The following LIMD1 variants were observed in gnomAD, a reference collection of about 807,000 sequenced individuals.
LIMD1 encodes LIM domain containing 1, also known as LIM domain-containing protein 1.
Under a neutral mutation model 58.4 loss-of-function variants are expected in LIMD1, and 23 were observed. That is an observed-to-expected ratio of 0.39 (90% CI 0.28 to 0.56). The LOEUF is 0.56. Ranked by LOEUF, LIMD1 falls within the 20% of genes least tolerant of loss-of-function variation. The probability of loss-of-function intolerance (pLI) is 0.57; values close to 1 mark genes in which losing one functional copy is unlikely to be tolerated. For missense variants in LIMD1, 838 were observed against 855.5 expected (o/e 0.98, Z 0.25); for synonymous variants, 334 against 345.5 (o/e 0.97, Z 0.37).
chr3:45,627,939 C>T (rs538461587), intron 1 of LIMD1, among the ~76,000 whole-genome samples: 7 of 143,302 alleles, frequency 4.9e-5, no homozygotes, highest in East Asian at 4.3e-4. Context: ...ACCTGGGAGG[C>T]GGAGGTTGCA....
In LIMD1 at chr3:45,676,825, C is replaced by T. The variant is rs1014817711; in HGVS notation, c.1894-97C>T. 8 of 1,212,640 alleles carry T rather than the reference C, an allele frequency of 6.6e-6. No homozygotes were observed. In the African/African-American group the frequency reaches 7.4e-5, roughly 11 times the overall value. 75.1% of individuals were successfully genotyped at this position (1,212,640 alleles called of 1,614,324 possible). A position where few individuals can be genotyped will look rare whatever the true frequency, so the allele number is the denominator to read the frequency against. ...GGCATTTCCTGCCTATACAGAAACA[C>T]ACAGCACCCTCTGCTGATTTTGGGG... On this transcript the variant is annotated intron_variant, in intron 7 of 7. Coordinates refer to ENST00000273317, the MANE Select transcript of LIMD1 (RefSeq NM_014240.3).
chr3:45,621,490 T>C (rs888956690), intron 1 of LIMD1, among the ~76,000 whole-genome samples: 1 of 152,182 alleles, frequency 6.6e-6, no homozygotes, highest in Non-Finnish European at 1.5e-5. Flanking sequence ...TCCTCCCACC[T>C]TGACTTCCCA....
At chr3:45,675,877 CTA>C (rs1697660731) in intron 7 of LIMD1, among the ~76,000 whole-genome samples, 1 of 152,084 alleles carries the variant, frequency 6.6e-6, no homozygotes, top group Non-Finnish European at 1.5e-5. Context: ...CATGCTGTGC[CTA>C]TAGTCTCAGC....
chr3:45,633,659 A>T (rs890350180), intron 1 of LIMD1, among the ~76,000 whole-genome samples: 6 of 152,240 alleles, frequency 3.9e-5, no homozygotes, highest in African/African-American at 1.4e-4. Context: ...AGAACTGCAG[A>T]TAACCAATAC....
intron 1 of LIMD1, among the ~76,000 whole-genome samples, chr3:45,621,129 C>A (rs145015163): frequency 2.0e-5 from 3 of 152,296 alleles, no homozygotes; most frequent in Non-Finnish European, 4.4e-5. Flanking sequence ...AGGAGCTGTC[C>A]CAGGTTAAAG....
chr3:45,651,555 T>C (rs1225189044), intron 2 of LIMD1, among the ~76,000 whole-genome samples: 1 of 152,290 alleles, frequency 6.6e-6, no homozygotes, highest in East Asian at 1.9e-4. Flanking sequence ...TACATATGGC[T>C]AGCCAGTTTT....
At chr3:45,603,294 A>G (rs1701434121) in intron 1 of LIMD1, among the ~76,000 whole-genome samples, 1 of 152,152 alleles carries the variant, frequency 6.6e-6, no homozygotes, top group Admixed American at 6.5e-5. Context: ...CCCCTCCAGA[A>G]TTCCAGAACA....
chr3:45,598,337 ATAGT>A (rs1436432697), intron 1 of LIMD1, among the ~76,000 whole-genome samples: 1 of 152,234 alleles, frequency 6.6e-6, no homozygotes, highest in Non-Finnish European at 1.5e-5. Flanking sequence ...TTTGGGAGTA[ATAGT>A]TAGCTGGAAA....
chr3:45,663,622 T>C (rs1256525668), intron 2 of LIMD1, among the ~76,000 whole-genome samples: 1 of 152,236 alleles, frequency 6.6e-6, no homozygotes, highest in Non-Finnish European at 1.5e-5. Context: ...ACAGGTTTTC[T>C]ATTCTATGCA....
chr3:45,651,639 T>G (rs984484062), intron 2 of LIMD1, among the ~76,000 whole-genome samples: 2 of 138,730 alleles, frequency 1.4e-5, no homozygotes, highest in Non-Finnish European at 3.3e-5. Context: ...CAGATGGTTA[T>G]TTTTTTTTTT....
intron 2 of LIMD1, among the ~76,000 whole-genome samples, chr3:45,649,522 A>C (rs1701942201): frequency 6.6e-6 from 1 of 151,424 alleles, no homozygotes; most frequent in Non-Finnish European, 1.5e-5. Flanking sequence ...TCTACTAAAA[A>C]TACAAAAAAT....
In LIMD1 at chr3:45,619,556, T is replaced by G. The variant is rs544209409; in HGVS notation, c.1409-16594T>G. Among the ~76,000 whole-genome samples, 208 of 152,258 alleles carry G rather than the reference T, an allele frequency of 1.4e-3. 1 individual carries two copies. Among genetic ancestry groups the G allele is most frequent in the African/African-American group, 4.7e-3 (196 of 41,538 alleles). ...GATCACGCCTGTAATCCCAGCACTT[T>G]GGGAGGCCAAGATGGGCAGATCACC... is the stretch of plus-strand genomic sequence containing the variant. On this transcript the variant is annotated intron_variant, in intron 1 of 7. Coordinates refer to ENST00000273317, the MANE Select transcript of LIMD1 (RefSeq NM_014240.3).
chr3:45,596,251 C>G lies in LIMD1; in HGVS notation c.1372C>G (p.Arg458Gly). 6.2e-7 allele frequency: 1 copy of G among 1,610,654 alleles called. No individual in the cohort carries two copies. Among genetic ancestry groups the G allele is most frequent in the Non-Finnish European group, 8.5e-7 (1 of 1,178,790 alleles). The change falls in exon 1 of 8, where the codon CGA becomes GGA. Residue 458 changes from arginine (R) to glycine (G), a missense_variant. Transcript: ENST00000273317. ...AGAAGCCCTCACCCAACGTCTGGAG[C>G]GAGAGATGGATGCTCACCCGAAGGC... ...KLEALTQRLE[R>G]EMDAHPKADY... is the part of the protein sequence containing the mutation.
intron 1 of LIMD1, among the ~76,000 whole-genome samples, chr3:45,628,783 TAAAC>T (rs1575351218): frequency 6.6e-6 from 1 of 152,144 alleles, no homozygotes; most frequent in Non-Finnish European, 1.5e-5. Context: ...AGCAAATGGA[TAAAC>T]AAACTAATAC....
intron 1 of LIMD1, among the ~76,000 whole-genome samples, chr3:45,601,334 A>C (rs536527783): frequency 1.3e-5 from 2 of 152,256 alleles, no homozygotes; most frequent in East Asian, 3.9e-4. Context: ...ACACTCCCTC[A>C]TGGATCAGCT....
intron 1 of LIMD1, among the ~76,000 whole-genome samples, chr3:45,601,026 T>C (rs1435410801): frequency 8.5e-5 from 13 of 152,324 alleles, no homozygotes; most frequent in African/African-American, 3.1e-4. Flanking sequence ...ATCATGCCAC[T>C]GCACTCCAGC....
intron 1 of LIMD1, among the ~76,000 whole-genome samples, chr3:45,627,795 G>A (rs1055653280): frequency 2.6e-5 from 4 of 151,424 alleles, no homozygotes; most frequent in Admixed American, 2.0e-4. Flanking sequence ...ATCACTTGAG[G>A]TCAGGAGTTC....
rs375062521 is a variant in LIMD1, at chr3:45,636,134, T to C, written c.1409-16T>C. ...GGTTCCCTCCTGACTCACTGATGTT[T>C]CTCTTGTCCTGCAAGGAGCCTGTGT... On this transcript the variant is annotated splice_polypyrimidine_tract_variant and intron_variant, in intron 1 of 7. Coordinates refer to ENST00000273317, the MANE Select transcript of LIMD1 (RefSeq NM_014240.3). 8.7e-6 allele frequency: 14 copies of C among 1,611,986 alleles called. No homozygotes were observed. The African/African-American group carries it at 1.9e-4, about 22-fold the overall frequency.
intron 1 of LIMD1, among the ~76,000 whole-genome samples, chr3:45,618,957 G>A (rs1381507712): frequency 6.6e-6 from 1 of 152,172 alleles, no homozygotes; most frequent in Non-Finnish European, 1.5e-5. Context: ...TTTACCAGGA[G>A]TGCTTACTTT....
Sources: gnomAD v4.1 joint callset for allele counts (sites outside exome capture counted in the v4.1 genomes callset) on GRCh38, gnomAD v4.1.1 for gene constraint, MANE v1.5 for transcripts, NCBI Gene and HGNC (gene_info 2026-07-23, HGNC 2026-07-21) for gene names.